PRDM16: variants seen among roughly 807,000 people sequenced by gnomAD.
PRDM16 encodes PR/SET domain 16.
A neutral mutation model predicts 110.6 loss-of-function variants in PRDM16; 23 were observed. The ratio of observed to expected loss-of-function variants is 0.21; its 90% CI spans 0.15 to 0.29. The LOEUF is 0.29. PRDM16 is among the 10% of genes least tolerant of loss of function. PRDM16 has a pLI of 1.00. For missense variants in PRDM16, 1,615 were observed against 1,794.3 expected, an observed-to-expected ratio of 0.90 and a Z score of 1.81; for synonymous variants, 799 against 781.8, an observed-to-expected ratio of 1.02 and a Z score of -0.37.
intron 14 of PRDM16, among the ~76,000 whole-genome samples, chr1:3,426,749 T>C (rs533642036): frequency 6.6e-6 from 1 of 152,236 alleles, no homozygotes; most frequent in South Asian, 2.1e-4. Flanking sequence ...ACATATGCCA[T>C]TGATGAATCC....
chr1:3,419,326 C>T (rs572719806), intron 12 of PRDM16, among the ~76,000 whole-genome samples: 131 of 152,352 alleles, frequency 8.6e-4, no homozygotes, highest in African/African-American at 3.0e-3. Context: ...GTGCTCCTCT[C>T]ATCTGAGGAG....
intron 1 of PRDM16, among the ~76,000 whole-genome samples, chr1:3,099,777 A>G (rs2100615366): frequency 6.6e-6 from 1 of 152,328 alleles, no homozygotes; most frequent in African/African-American, 2.4e-5. Context: ...CGTTTAAGAG[A>G]AAACACTCCC....
At chr1:3,248,728 A>G (rs190568810) in intron 3 of PRDM16, among the ~76,000 whole-genome samples, 3 of 152,370 alleles carry the variant, frequency 2.0e-5, no homozygotes, top group African/African-American at 7.2e-5. Flanking sequence ...CCAGCCTTGC[A>G]TTGTCCAAAC....
chr1:3,432,797 G>A (rs1638803532), intron 16 of PRDM16, among the ~76,000 whole-genome samples: 1 of 152,162 alleles, frequency 6.6e-6, no homozygotes, highest in Non-Finnish European at 1.5e-5. Flanking sequence ...TGTTAACTCG[G>A]GTAGGACAGT....
intron 1 of PRDM16, among the ~76,000 whole-genome samples, chr1:3,103,904 A>T (rs1642588327): frequency 6.6e-6 from 1 of 152,236 alleles, no homozygotes; most frequent in South Asian, 2.1e-4. Flanking sequence ...AAATAAAGAA[A>T]TAAACACATC....
chr1:3,136,276 C>A (rs1050496780), intron 1 of PRDM16, among the ~76,000 whole-genome samples: 1 of 152,210 alleles, frequency 6.6e-6, no homozygotes, highest in African/African-American at 2.4e-5. Flanking sequence ...CAGCCCCGCG[C>A]GATGCTCCGG....
intron 2 of PRDM16, among the ~76,000 whole-genome samples, chr1:3,216,711 G>A (rs1044320168): frequency 4.6e-5 from 7 of 152,242 alleles, no homozygotes; most frequent in African/African-American, 7.2e-5. Context: ...TTGGCCTCAC[G>A]AAATCAGAGA....
At chr1:3,192,292 G>A (rs1050594910) in intron 2 of PRDM16, among the ~76,000 whole-genome samples, 1 of 152,178 alleles carries the variant, frequency 6.6e-6, no homozygotes, top group African/African-American at 2.4e-5. Flanking sequence ...TGGGGCATGC[G>A]GGTTGGGTGC....
At chr1:3,288,356 C>T (rs988159515) in intron 3 of PRDM16, among the ~76,000 whole-genome samples, 14 of 152,316 alleles carry the variant, frequency 9.2e-5, no homozygotes, top group African/African-American at 3.1e-4. Context: ...CTTCCCACTC[C>T]CCGCTCTGTC....
At chr1:3,146,163 G>A (rs1643647337) in intron 1 of PRDM16, among the ~76,000 whole-genome samples, 2 of 152,174 alleles carry the variant, frequency 1.3e-5, no homozygotes, top group South Asian at 4.1e-4. Context: ...CGCACATTTG[G>A]GATATTCTGC....
intron 1 of PRDM16, among the ~76,000 whole-genome samples, chr1:3,122,069 C>T (rs1219597115): frequency 1.3e-5 from 2 of 152,160 alleles, no homozygotes; most frequent in Admixed American, 6.5e-5. Context: ...AGCCTCACCG[C>T]GAGCCCCTTT....
chr1:3,397,728 A>G (rs529028444), intron 5 of PRDM16, among the ~76,000 whole-genome samples: 1 of 152,184 alleles, frequency 6.6e-6, no homozygotes, highest in Non-Finnish European at 1.5e-5. Flanking sequence ...CTCCCCTTCA[A>G]ACACACCAAG....
rs1390171065 is a variant in PRDM16 at position 3,385,262 on chromosome 1, C to T, written c.549C>T (p.Leu183=). The T allele has an allele frequency of 6.2e-7, 1 of 1,613,722 alleles. No homozygotes were observed. Among genetic ancestry groups the T allele is most frequent in the Non-Finnish European group, 8.5e-7 (1 of 1,180,010 alleles). Residue 183 remains leucine, a synonymous_variant, in exon 4 of 17, where the codon CTC becomes CTT. Transcript: ENST00000270722. ...CGTGCTCCTGCGATGACCAGAACCTCACCATGTGTCAGATCAGTGAGCAGG... is the reference window on the plus strand; with the variant it reads ...CGTGCTCCTGCGATGACCAGAACCTTACCATGTGTCAGATCAGTGAGCAGG... ...RVACSCDDQN[L]TMCQISEQIY...
At chr1:3,142,107 G>A (rs569521062) in intron 1 of PRDM16, among the ~76,000 whole-genome samples, 6 of 152,338 alleles carry the variant, frequency 3.9e-5, no homozygotes, top group South Asian at 2.1e-4. Flanking sequence ...CGTGAGAAAC[G>A]GAGCTGCCCC....
chr1:3,181,100 AGTCTTACAC>A (rs1644157385), intron 1 of PRDM16, among the ~76,000 whole-genome samples: 2 of 17,866 alleles, frequency 1.1e-4, no homozygotes, highest in Non-Finnish European at 3.0e-4. Context: ...TTACACACGC[AGTCTTACAC>A]GCGGCCTTAC....
At chr1:3,141,533 G>A (rs752160324) in intron 1 of PRDM16, among the ~76,000 whole-genome samples, 12 of 152,216 alleles carry the variant, frequency 7.9e-5, no homozygotes, top group Non-Finnish European at 1.5e-4. Flanking sequence ...TGTACAATAC[G>A]TTATCAGTGA....
chr1:3,377,119 T>G (rs2100589179), intron 3 of PRDM16, among the ~76,000 whole-genome samples: 1 of 152,342 alleles, frequency 6.6e-6, no homozygotes, highest in Non-Finnish European at 1.5e-5. Flanking sequence ...AGCCAGGGCT[T>G]CTTACTCTGA....
intron 12 of PRDM16, among the ~76,000 whole-genome samples, chr1:3,421,448 A>G (rs1056576158): frequency 6.6e-6 from 1 of 152,176 alleles, no homozygotes; most frequent in Non-Finnish European, 1.5e-5. Flanking sequence ...ACGCAGTGAG[A>G]CCATCAATTT....
chr1:3,224,364 T>C (rs1356710278), intron 2 of PRDM16, among the ~76,000 whole-genome samples: 2 of 152,198 alleles, frequency 1.3e-5, no homozygotes, highest in African/African-American at 4.8e-5. Context: ...CAGGCGACAG[T>C]GTTGCCAATA....
Sources: gnomAD v4.1 joint callset for allele counts (sites outside exome capture counted in the v4.1 genomes callset) on GRCh38, gnomAD v4.1.1 for gene constraint, MANE v1.5 for transcripts, NCBI Gene and HGNC (gene_info 2026-07-23, HGNC 2026-07-21) for gene names.